The following EDC3 variants were observed in gnomAD, a reference collection of about 807,000 sequenced individuals.
EDC3 encodes the protein enhancer of mRNA-decapping protein 3.
In EDC3, 20 loss-of-function variants were observed where a neutral mutation model predicts 41.8. That is an observed-to-expected ratio of 0.48 (90% confidence interval 0.34 to 0.70). The LOEUF (loss-of-function observed/expected upper bound fraction) is 0.70, where lower values mean the gene tolerates loss of function less well. Ranked by LOEUF, EDC3 falls within the 30% of genes least tolerant of loss-of-function variation. The probability of loss-of-function intolerance (pLI) is 0.01; values close to 1 mark genes in which losing one functional copy is unlikely to be tolerated. For missense variants in EDC3, 444 were observed against 636.8 expected (o/e 0.70, Z 3.26); for synonymous variants, 206 against 243.2 (o/e 0.85, Z 1.42).
At position 74,630,663 on chromosome 15, in the gene EDC3, C is replaced by T. The variant is rs1005984331; in HGVS notation, c.*1949G>A. The T allele has an allele frequency of 6.6e-6, 1 of 152,320 alleles. No homozygotes were observed. Among genetic ancestry groups the T allele is most frequent in the African/African-American group, 2.4e-5 (1 of 41,456 alleles). 9.4% of individuals were successfully genotyped at this position (152,320 alleles called of 1,614,324 possible). On this transcript the variant is annotated 3_prime_UTR_variant, in exon 7 of 7. Transcript: ENST00000315127. ...CTGGGGGCCCCTTGGGAACTGGGTA[C>T]TATGGGCAGGATGCCCCTGAAAAGA... is the stretch of plus-strand genomic sequence containing the variant.
chr15:74,668,444 T>A (rs1244185847), intron 3 of EDC3, among the ~76,000 whole-genome samples: 2 of 152,236 alleles, frequency 1.3e-5, no homozygotes, highest in African/African-American at 4.8e-5. Context: ...AGGGTCATCT[T>A]CAAGTGCACG....
In EDC3 at chr15:74,635,724, C is replaced by G. The variant is rs918532011; in HGVS notation, c.975-98G>C. 5 of 1,108,034 alleles carry G rather than the reference C, an allele frequency of 4.5e-6. No homozygotes were observed. The African/African-American group carries it at 7.8e-5, about 17-fold the overall frequency. 68.6% of individuals were successfully genotyped at this position (1,108,034 alleles called of 1,614,324 possible). A position where few individuals can be genotyped will look rare whatever the true frequency, so the allele number is the denominator to read the frequency against. On this transcript the variant is annotated intron_variant, in intron 5 of 6. Coordinates refer to ENST00000315127, the MANE Select transcript of EDC3 (RefSeq NM_025083.5). ...CCTGTAGCACCTATTGGTCTCAGAT[C>G]TCTTACCCACTGCTCACCAAGTCCC...
intron 4 of EDC3, chr15:74,643,553 C>T (rs4128436): frequency 0.14 from 21,266 of 152,162 alleles, 2,272 homozygotes; most frequent in African/African-American, 0.3. Flanking sequence ...GACCATGGGA[C>T]GCAGTGGTCC....
At chr15:74,691,851 C>G (rs1217073355) in intron 1 of EDC3, among the ~76,000 whole-genome samples, 1 of 152,118 alleles carries the variant, frequency 6.6e-6, no homozygotes, top group Non-Finnish European at 1.5e-5. Context: ...CAGTCTTGCT[C>G]TGTCGTCCAG....
intron 4 of EDC3, among the ~76,000 whole-genome samples, chr15:74,649,711 T>TA (rs1194909674): frequency 1.3e-5 from 2 of 152,170 alleles, no homozygotes; most frequent in Non-Finnish European, 2.9e-5. Context: ...GAAACCAGCT[T>TA]AGTAGCCTCT....
intron 6 of EDC3, among the ~76,000 whole-genome samples, chr15:74,633,889 G>A (rs890925043): frequency 3.9e-5 from 6 of 152,118 alleles, no homozygotes; most frequent in South Asian, 4.1e-4. Flanking sequence ...ATGTGCCACC[G>A]GGGGGAGTCC....
intron 1 of EDC3, among the ~76,000 whole-genome samples, chr15:74,692,005 G>A (rs1483460385): frequency 6.6e-6 from 1 of 151,992 alleles, no homozygotes; most frequent in African/African-American, 2.4e-5. Context: ...TTTTTTAGTA[G>A]AGGCGGGGTT....
At chr15:74,678,623 C>T (rs1056532362) in intron 1 of EDC3, among the ~76,000 whole-genome samples, 2 of 152,174 alleles carry the variant, frequency 1.3e-5, no homozygotes, top group African/African-American at 2.4e-5. Flanking sequence ...GATGCAATGG[C>T]TCATGCCTGT....
chr15:74,688,447 AAGAC>A (rs1239493283), intron 1 of EDC3, among the ~76,000 whole-genome samples: 2 of 152,228 alleles, frequency 1.3e-5, no homozygotes, highest in Non-Finnish European at 2.9e-5. Context: ...CACTCAAAAC[AAGAC>A]AGACTATTTC....
chr15:74,671,364 A>G lies in EDC3; in HGVS notation c.484+91T>C. ...CAGCCAGCATCCATTTTATTGGAAT[A>G]ACAAAGGATTTGTTTAAAGAGCAGC... is the stretch of plus-strand genomic sequence containing the variant. On this transcript the variant is annotated intron_variant, in intron 3 of 6. Transcript: ENST00000315127. This position sits in a 1 kb window ranked among gnomAD's most constrained non-coding sequence, Gnocchi z 4.6. 1 of 1,372,192 alleles carries G rather than the reference A, an allele frequency of 7.3e-7. No homozygotes were observed. The highest frequency in any genetic ancestry group is 2.1e-5 in the Admixed American group (1 of 46,538). 85.0% of individuals were successfully genotyped at this position (1,372,192 alleles called of 1,614,324 possible).
intron 1 of EDC3, among the ~76,000 whole-genome samples, chr15:74,683,724 A>T (rs935070210): frequency 2.7e-5 from 4 of 150,356 alleles, no homozygotes; most frequent in African/African-American, 7.3e-5. Context: ...AAGTTTAATT[A>T]AAAAAAAAAT....
chr15:74,643,394 A>G (rs2062376616), intron 4 of EDC3: 1 of 152,170 alleles, frequency 6.6e-6, no homozygotes, highest in Non-Finnish European at 1.5e-5. Flanking sequence ...GATAATTATA[A>G]CCAGATCGTG....
Position 74,631,093 on chromosome 15 carries a change from T to A in EDC3, c.*1519A>T, listed in dbSNP as rs1330200587. 1 of 152,252 alleles carries A rather than the reference T, an allele frequency of 6.6e-6. No homozygotes were observed. Among genetic ancestry groups the A allele is most frequent in the Non-Finnish European group, 1.5e-5 (1 of 68,080 alleles). 9.4% of individuals were successfully genotyped at this position (152,252 alleles called of 1,614,324 possible). On this transcript the variant is annotated 3_prime_UTR_variant, in exon 7 of 7. Coordinates refer to ENST00000315127, the MANE Select transcript of EDC3 (RefSeq NM_025083.5). Reference sequence around the variant, plus strand: ...ACAGTCCCTGGCCTCTTCCCATCGCTGGAGACAATTTAAGACTGAAGGGAA... The same window carrying A: ...ACAGTCCCTGGCCTCTTCCCATCGCAGGAGACAATTTAAGACTGAAGGGAA...
At chr15:74,660,239 A>T (rs1436570955) in intron 3 of EDC3, among the ~76,000 whole-genome samples, 1 of 151,394 alleles carries the variant, frequency 6.6e-6, no homozygotes, top group East Asian at 1.9e-4. Context: ...CCCCGTCTCT[A>T]CTAAAAATAC....
chr15:74,651,107 A>C (rs988864556), intron 4 of EDC3, among the ~76,000 whole-genome samples: 6 of 152,228 alleles, frequency 3.9e-5, no homozygotes, highest in Admixed American at 3.3e-4. Context: ...TTCTTTGGGG[A>C]GTTCTCACCA....
intron 3 of EDC3, among the ~76,000 whole-genome samples, chr15:74,658,660 G>A (rs1221221882): frequency 5.6e-5 from 8 of 143,136 alleles, no homozygotes; most frequent in African/African-American, 2.1e-4. Flanking sequence ...AAAAACCAAG[G>A]CCAGGCGCGG....
intron 3 of EDC3, among the ~76,000 whole-genome samples, chr15:74,656,804 C>T (rs914111813): frequency 2.0e-5 from 3 of 152,168 alleles, no homozygotes; most frequent in African/African-American, 7.2e-5. Context: ...CCTATAAAGA[C>T]CCCAGACTCA....
chr15:74,663,078 G>A (rs574163037), intron 3 of EDC3, among the ~76,000 whole-genome samples: 2 of 152,254 alleles, frequency 1.3e-5, no homozygotes, highest in Admixed American at 1.3e-4. Context: ...CCTGAGCTCA[G>A]GAGTTCGAGA....
chr15:74,669,986 G>A (rs2062720829), intron 3 of EDC3, among the ~76,000 whole-genome samples: 1 of 150,736 alleles, frequency 6.6e-6, no homozygotes, highest in East Asian at 1.9e-4. Context: ...TGGGACCACA[G>A]GTGCACGCTG....
Sources: gnomAD v4.1 joint callset for allele counts (sites outside exome capture counted in the v4.1 genomes callset) on GRCh38, gnomAD v4.1.1 for gene constraint, Gnocchi (gnomAD v3.1) non-coding constraint, MANE v1.5 for transcripts, NCBI Gene and HGNC (gene_info 2026-07-23, HGNC 2026-07-21) for gene names.